Variants in LIMS1 observed in about 807,000 individuals in gnomAD.
The protein encoded by LIMS1 is LIM zinc finger domain containing 1.
LIMS1 carries 18 observed loss-of-function variants against 44.1 expected under a neutral mutation model. The observed-to-expected ratio is 0.41, with a 90% CI of 0.28 to 0.61. The LOEUF (loss-of-function observed/expected upper bound fraction) is 0.61. Ranked by LOEUF, LIMS1 falls within the 20% of genes least tolerant of loss-of-function variation. The pLI is 0.32. For synonymous variants in LIMS1, 93 were observed against 149.1 expected (o/e 0.62, Z 2.74); for missense variants, 201 against 422.0 (o/e 0.48, Z 4.59).
At chr2:108,591,947 A>C (rs992005466) in intron 1 of LIMS1, among the ~76,000 whole-genome samples, 32 of 151,682 alleles carry the variant, frequency 2.1e-4, no homozygotes, top group African/African-American at 7.3e-4. Flanking sequence ...GGCACGCACC[A>C]CCATGCCCGG....
At chr2:108,537,269 A>T (rs1254135977) in intron 1 of LIMS1, among the ~76,000 whole-genome samples, 1 of 152,198 alleles carries the variant, frequency 6.6e-6, no homozygotes, top group African/African-American at 2.4e-5. Context: ...TCAGGAGTTC[A>T]AGGCCATACT....
chr2:108,613,258 C>T (rs1687756788), intron 1 of LIMS1, among the ~76,000 whole-genome samples: 1 of 152,116 alleles, frequency 6.6e-6, no homozygotes, highest in African/African-American at 2.4e-5. Context: ...ATTTTTATGT[C>T]CTAGCTTTTT....
intron 2 of LIMS1, among the ~76,000 whole-genome samples, chr2:108,667,840 A>G (rs1691891224): frequency 6.6e-6 from 1 of 152,160 alleles, no homozygotes; most frequent in African/African-American, 2.4e-5. Flanking sequence ...CCTCCTGTAT[A>G]CTTTTCATTA....
chr2:108,642,961 T>C (rs912788814), intron 1 of LIMS1, among the ~76,000 whole-genome samples: 1 of 152,220 alleles, frequency 6.6e-6, no homozygotes, highest in African/African-American at 2.4e-5. Flanking sequence ...GCTATTGGAC[T>C]CATGCAGCCA....
intron 1 of LIMS1, among the ~76,000 whole-genome samples, chr2:108,535,357 T>G (rs1443979625): frequency 1.3e-5 from 2 of 152,270 alleles, no homozygotes; most frequent in African/African-American, 4.8e-5. Flanking sequence ...AAGGCTGGTT[T>G]GGACGTGGAA....
chr2:108,627,340 A>G (rs946686257), intron 1 of LIMS1, among the ~76,000 whole-genome samples: 1 of 152,130 alleles, frequency 6.6e-6, no homozygotes, highest in Non-Finnish European at 1.5e-5. Context: ...ATGCTTAAAA[A>G]TCAGGTCTGT....
chr2:108,581,073 T>C (rs1472776683), intron 1 of LIMS1, among the ~76,000 whole-genome samples: 4 of 152,234 alleles, frequency 2.6e-5, no homozygotes, highest in African/African-American at 9.6e-5. Context: ...TCTGCTTCCC[T>C]ACCTTAGGCA....
chr2:108,664,168 C>T (rs1691587738), intron 2 of LIMS1, among the ~76,000 whole-genome samples: 1 of 152,170 alleles, frequency 6.6e-6, no homozygotes. Context: ...AAGACCCTTC[C>T]AACCAGCACA....
At position 108,552,249 on chromosome 2, in the gene LIMS1, C is replaced by CTA. The variant is rs1381764175; in HGVS notation, c.32+17662_32+17663dup. 2.2e-5 allele frequency among the ~76,000 whole-genome samples: 3 copies of CTA among 137,742 alleles called. No individual in the cohort carries two copies. The East Asian group carries it at 6.1e-4, about 28-fold the overall frequency. 90.4% of individuals were successfully genotyped at this position (137,742 alleles called of 152,430 possible). A position where few individuals can be genotyped will look rare whatever the true frequency, so the allele number is the denominator to read the frequency against. ...ACATTAGTTATATATACTATATATA[C>CTA]TATATATACTACACGTATAGTATAT... On this transcript the variant is annotated intron_variant, in intron 1 of 9. Coordinates refer to ENST00000544547, the Ensembl canonical transcript of LIMS1.
chr2:108,614,763 G>A (rs1406824116), intron 1 of LIMS1, among the ~76,000 whole-genome samples: 1 of 152,134 alleles, frequency 6.6e-6, no homozygotes. Context: ...CAAAACCTGG[G>A]GAGTATTTTG....
chr2:108,601,784 T>C (rs1430570686), intron 1 of LIMS1, among the ~76,000 whole-genome samples: 3 of 152,252 alleles, frequency 2.0e-5, no homozygotes, highest in African/African-American at 7.2e-5. Context: ...CCCAGAGTGC[T>C]GGGATTATAG....
At chr2:108,534,480 CG>C in exon 1 of LIMS1, 1 of 1,090,018 alleles carries the variant, frequency 9.2e-7, no homozygotes, top group Non-Finnish European at 1.1e-6. Flanking sequence ...AGTAGCCGGC[CG>C]CGGCGGCGAG....
intron 8 of LIMS1, chr2:108,678,348 C>G (rs2433840): frequency 9.4e-5 from 41 of 438,138 alleles, no homozygotes; most frequent in East Asian, 5.3e-4. Flanking sequence ...TTATTAGGAA[C>G]AGTTTAATCT....
At chr2:108,579,183 T>C (rs1169172054) in intron 1 of LIMS1, among the ~76,000 whole-genome samples, 2 of 152,218 alleles carry the variant, frequency 1.3e-5, no homozygotes, top group Admixed American at 6.5e-5. Flanking sequence ...TTTTCACCTT[T>C]ATAATTTTAA....
At chr2:108,559,144 C>G (rs1685028521) in intron 1 of LIMS1, among the ~76,000 whole-genome samples, 1 of 152,130 alleles carries the variant, frequency 6.6e-6, no homozygotes, top group Admixed American at 6.5e-5. Flanking sequence ...TTTATATACC[C>G]TTAGACACTG....
intron 8 of LIMS1, among the ~76,000 whole-genome samples, chr2:108,679,711 G>A (rs1014147017): frequency 2.0e-5 from 3 of 151,498 alleles, no homozygotes; most frequent in Non-Finnish European, 4.4e-5. Context: ...GAGGCCAGGA[G>A]TTCGATACCA....
chr2:108,550,223 C>T (rs546643332), intron 1 of LIMS1, among the ~76,000 whole-genome samples: 20 of 152,092 alleles, frequency 1.3e-4, no homozygotes, highest in Middle Eastern at 3.4e-3. Context: ...TGGCTGGGCG[C>T]GGTGGCTCAC....
intron 1 of LIMS1, among the ~76,000 whole-genome samples, chr2:108,546,450 C>T (rs1306393060): frequency 6.6e-6 from 1 of 151,650 alleles, no homozygotes; most frequent in East Asian, 1.9e-4. Flanking sequence ...CCTGGGCCGC[C>T]CTCCTACTCT....
intron 1 of LIMS1, among the ~76,000 whole-genome samples, chr2:108,583,208 T>G (rs1239316097): frequency 4.5e-5 from 1 of 22,370 alleles, no homozygotes; most frequent in African/African-American, 1.5e-4. Context: ...AATGTTTGTA[T>G]TTTTTTTTTT....
Sources: gnomAD v4.1 joint callset for allele counts (sites outside exome capture counted in the v4.1 genomes callset) on GRCh38, gnomAD v4.1.1 for gene constraint, MANE v1.5 for transcripts, NCBI Gene and HGNC (gene_info 2026-07-23, HGNC 2026-07-21) for gene names.